Variants in PPFIBP1 observed in about 807,000 individuals in gnomAD.
PPFIBP1 encodes liprin-beta-1.
A neutral mutation model predicts 137.8 loss-of-function variants in PPFIBP1; 112 were observed. That is an observed-to-expected ratio of 0.81 (90% confidence interval 0.70 to 0.95). The LOEUF (loss-of-function observed/expected upper bound fraction) is 0.95. PPFIBP1 is among the 40% of genes least tolerant of loss of function. The probability of loss-of-function intolerance (pLI) is 0.00; values close to 1 mark genes in which losing one functional copy is unlikely to be tolerated. For missense variants in PPFIBP1, 1,083 were observed against 1,196.6 expected, an observed-to-expected ratio of 0.91 and a Z score of 1.40; for synonymous variants, 378 against 417.3, an observed-to-expected ratio of 0.91 and a Z score of 1.15.
intron 4 of PPFIBP1, among the ~76,000 whole-genome samples, chr12:27,638,945 A>C (rs1180369605): frequency 6.6e-6 from 1 of 152,210 alleles, no homozygotes. Flanking sequence ...CCTTTTCATT[A>C]GTGCAACTGG....
In PPFIBP1 at chr12:27,676,521, C is replaced by T. The variant is rs754653878; in HGVS notation, c.1504C>T (p.Arg502Ter). 11 of 1,609,904 alleles carry T rather than the reference C, an allele frequency of 6.8e-6. No individual in the cohort carries two copies. The Admixed American group carries it at 1.2e-4, about 17-fold the overall frequency. The change falls in exon 18 of 30, where the codon CGA becomes TGA. Residue 502 changes from arginine to a stop codon, truncating the protein, a stop_gained. Coordinates refer to ENST00000228425, the MANE Select transcript of PPFIBP1 (RefSeq NM_003622.4). LOFTEE classifies it high-confidence loss of function. ...TSMDDNPFGT[R>*]KVRSSFGRGF... ...CATGGATGACAACCCCTTCGGCACTCGAAAAGTCAGATCTTCCTTTGGCCG... is the reference window on the plus strand; with the variant it reads ...CATGGATGACAACCCCTTCGGCACTTGAAAAGTCAGATCTTCCTTTGGCCG...
intron 1 of PPFIBP1, among the ~76,000 whole-genome samples, chr12:27,535,482 C>T (rs1220757555): frequency 3.3e-5 from 5 of 152,126 alleles, no homozygotes; most frequent in South Asian, 2.1e-4. Context: ...GGTGTGGTCA[C>T]GGCTCATTGC....
chr12:27,616,652 A>G (rs2055792749), intron 2 of PPFIBP1, among the ~76,000 whole-genome samples: 1 of 152,238 alleles, frequency 6.6e-6, no homozygotes, highest in East Asian at 1.9e-4. Context: ...TAAAAGAGTG[A>G]AGGAATAATT....
At chr12:27,584,792 A>T (rs1417853446) in intron 2 of PPFIBP1, among the ~76,000 whole-genome samples, 1 of 152,240 alleles carries the variant, frequency 6.6e-6, no homozygotes, top group Non-Finnish European at 1.5e-5. Flanking sequence ...GGCTTTGAAC[A>T]TTTAGAGAAT....
At chr12:27,568,059 C>T (rs185715236) in intron 1 of PPFIBP1, among the ~76,000 whole-genome samples, 19 of 152,192 alleles carry the variant, frequency 1.2e-4, no homozygotes, top group Non-Finnish European at 2.2e-4. Flanking sequence ...TTAAGGGCAA[C>T]GGGAAAAGAA....
chr12:27,655,732 A>C (rs2059156297), intron 8 of PPFIBP1, among the ~76,000 whole-genome samples: 1 of 152,244 alleles, frequency 6.6e-6, no homozygotes, highest in Admixed American at 6.5e-5. Flanking sequence ...ACCAGAAGTC[A>C]AAACTATAGG....
chr12:27,669,830 G>T (rs2060072549), intron 13 of PPFIBP1, among the ~76,000 whole-genome samples: 1 of 152,218 alleles, frequency 6.6e-6, no homozygotes, highest in East Asian at 1.9e-4. Flanking sequence ...TCACAAAGCT[G>T]AATGTATTGC....
intron 1 of PPFIBP1, among the ~76,000 whole-genome samples, chr12:27,528,836 C>T (rs2135741929): frequency 6.6e-6 from 1 of 152,300 alleles, no homozygotes; most frequent in East Asian, 1.9e-4. Flanking sequence ...TCTAAACCCA[C>T]TGGAGAGTGT....
intron 2 of PPFIBP1, among the ~76,000 whole-genome samples, chr12:27,580,205 A>G (rs2136940200): frequency 6.6e-6 from 1 of 152,332 alleles, no homozygotes; most frequent in Middle Eastern, 3.4e-3. Flanking sequence ...AATTTTCTGA[A>G]CAAATTCATT....
rs1436600578 is a variant in PPFIBP1, at chr12:27,633,378, G to T, written c.-19G>T. 2 of 1,612,574 alleles carry T rather than the reference G, an allele frequency of 1.2e-6. No individual in the cohort carries two copies. Among genetic ancestry groups the T allele is most frequent in the South Asian group, 2.2e-5 (2 of 90,984 alleles). On this transcript the variant is annotated 5_prime_UTR_variant, in exon 3 of 30. Coordinates refer to ENST00000228425, the MANE Select transcript of PPFIBP1 (RefSeq NM_003622.4). ...TTTTTTCAGATCTGGGTTGGAATTT[G>T]CCCCTGACAAATAATAAAATGATGA...
chr12:27,569,884 A>T (rs1274953132), intron 1 of PPFIBP1, among the ~76,000 whole-genome samples: 2 of 152,130 alleles, frequency 1.3e-5, no homozygotes, highest in African/African-American at 4.8e-5. Context: ...TTCCAAGTTT[A>T]GATATTTTAG....
chr12:27,599,553 T>A (rs2053733616), intron 2 of PPFIBP1: 1 of 454,154 alleles, frequency 2.2e-6, no homozygotes, highest in Non-Finnish European at 4.4e-6. Flanking sequence ...TTCCTTTTTC[T>A]TTCATCTTTC....
chr12:27,584,265 GC>G (rs2051446205), intron 2 of PPFIBP1: 1 of 152,296 alleles, frequency 6.6e-6, no homozygotes, highest in Non-Finnish European at 1.5e-5. Context: ...ACACCAGGCA[GC>G]GCTTCCACAC....
intron 1 of PPFIBP1, among the ~76,000 whole-genome samples, chr12:27,530,227 C>G (rs1343149749): frequency 6.6e-6 from 1 of 152,184 alleles, no homozygotes; most frequent in African/African-American, 2.4e-5. Flanking sequence ...TTGAATACAT[C>G]TACTTTTTCT....
chr12:27,679,236 A>G (rs925106658), intron 19 of PPFIBP1, among the ~76,000 whole-genome samples: 1 of 152,208 alleles, frequency 6.6e-6, no homozygotes, highest in African/African-American at 2.4e-5. Context: ...AAATCACTCA[A>G]GGAAAGAATG....
intron 1 of PPFIBP1, among the ~76,000 whole-genome samples, chr12:27,560,304 G>A (rs1382048136): frequency 1.3e-5 from 2 of 152,108 alleles, no homozygotes; most frequent in Non-Finnish European, 2.9e-5. Context: ...CAAAACCTCA[G>A]GAATGAATTA....
chr12:27,559,774 A>G (rs547910128), intron 1 of PPFIBP1, among the ~76,000 whole-genome samples: 1 of 152,312 alleles, frequency 6.6e-6, no homozygotes, highest in South Asian at 2.1e-4. Context: ...AGACACAAAA[A>G]TTAAATGGTG....
intron 2 of PPFIBP1, among the ~76,000 whole-genome samples, chr12:27,582,797 G>A (rs1249045625): frequency 6.6e-6 from 1 of 152,218 alleles, no homozygotes; most frequent in Non-Finnish European, 1.5e-5. Context: ...GATTGAAATA[G>A]CCCTGAGAGT....
At chr12:27,585,641 G>GT (rs1305972623) in intron 2 of PPFIBP1, among the ~76,000 whole-genome samples, 1 of 152,202 alleles carries the variant, frequency 6.6e-6, no homozygotes, top group Non-Finnish European at 1.5e-5. Flanking sequence ...GCACATTTTT[G>GT]TAAGTCTGGA....
Sources: allele counts gnomAD v4.1 joint callset (sites outside exome capture counted in the v4.1 genomes callset), GRCh38; gene constraint gnomAD v4.1.1; transcripts MANE v1.5; gene names NCBI Gene and HGNC (gene_info 2026-07-23, HGNC 2026-07-21).